The following LDB3 variants were observed in gnomAD, a reference collection of about 807,000 sequenced individuals.
LDB3 encodes the protein LIM domain-binding protein 3.
LDB3 carries 49 observed loss-of-function variants against 69.0 expected under a neutral mutation model. That is an observed-to-expected ratio of 0.71 (90% CI 0.56 to 0.90). LDB3 has a LOEUF of 0.90. LDB3 is among the 40% of genes least tolerant of loss of function. The pLI, the probability that LDB3 is intolerant of heterozygous loss-of-function variation, is 0.00. For synonymous variants in LDB3, 387 were observed against 396.2 expected (o/e 0.98, Z 0.28); for missense variants, 928 against 974.1 (o/e 0.95, Z 0.63).
At chr10:86,718,411 A>G (rs142507012) in intron 11 of LDB3, among the ~76,000 whole-genome samples, 220 of 152,224 alleles carry the variant, frequency 1.4e-3, no homozygotes, top group African/African-American at 4.8e-3. Flanking sequence ...TGACCTTACC[A>G]CTCACCAGAA....
intron 5 of LDB3, among the ~76,000 whole-genome samples, chr10:86,691,132 C>T (rs1304602676): frequency 6.6e-6 from 1 of 152,222 alleles, no homozygotes; most frequent in Non-Finnish European, 1.5e-5. Flanking sequence ...TCTAGGGTCC[C>T]TTCTGGCTCT....
chr10:86,721,260 G>T (rs1847076716), intron 12 of LDB3, among the ~76,000 whole-genome samples: 1 of 152,204 alleles, frequency 6.6e-6, no homozygotes, highest in Admixed American at 6.5e-5. Flanking sequence ...TTAAAAAATA[G>T]TAGCTATCCT....
rs573947246 is a variant in LDB3, at chr10:86,699,574, A to G, written c.897-6957A>G. 2.6e-5 allele frequency: 38 copies of G among 1,434,194 alleles called. No homozygotes were observed. Among genetic ancestry groups the G allele is most frequent in the Non-Finnish European group, 3.5e-5 (38 of 1,095,960 alleles). The allele number at this position is 1,434,194 out of a possible 1,614,324, so 88.8% of individuals were successfully genotyped here. A position where few individuals can be genotyped will look rare whatever the true frequency, so the allele number is the denominator to read the frequency against. On this transcript the variant is annotated intron_variant, in intron 7 of 13. Coordinates refer to ENST00000361373, the MANE Select transcript of LDB3 (RefSeq NM_007078.3). The surrounding 1 kb of genome is among the most constrained non-coding windows in gnomAD (Gnocchi z 4.9). Reference sequence around the variant, plus strand: ...GGGGCCCAGCCCCCTGCAGCTCTGTACCCACCAAACCTCCCCAGGGCAACC... The same window carrying G: ...GGGGCCCAGCCCCCTGCAGCTCTGTGCCCACCAAACCTCCCCAGGGCAACC...
At chr10:86,705,808 G>A (rs1023455184) in intron 7 of LDB3, among the ~76,000 whole-genome samples, 8 of 152,240 alleles carry the variant, frequency 5.3e-5, no homozygotes, top group Non-Finnish European at 8.8e-5. Flanking sequence ...CCACACAGAG[G>A]CATGGGGATC....
intron 8 of LDB3, among the ~76,000 whole-genome samples, chr10:86,709,308 C>G (rs1202729210): frequency 1.3e-5 from 2 of 152,120 alleles, no homozygotes; most frequent in East Asian, 3.9e-4. Context: ...AAAGGTGACC[C>G]TAGGCCCCTT....
intron 7 of LDB3, among the ~76,000 whole-genome samples, chr10:86,702,395 T>C (rs576071797): frequency 7.2e-5 from 11 of 152,082 alleles, no homozygotes; most frequent in African/African-American, 2.7e-4. Flanking sequence ...AACCCCACCA[T>C]TCCCACCACC....
At position 86,699,229 on chromosome 10, in the gene LDB3, C is replaced by G. The variant is rs1447064285; in HGVS notation, c.896+6658C>G. 5 of 1,564,752 alleles carry G rather than the reference C, an allele frequency of 3.2e-6. No individual in the cohort carries two copies. Among genetic ancestry groups the G allele is most frequent in the Non-Finnish European group, 3.4e-6 (4 of 1,160,920 alleles). ...CCCTCTCTTCTCTCTCTTTCTGTCTCTGTCTCTGTTTCTCTCTCTCTCTCT... is the reference window on the plus strand; with the variant it reads ...CCCTCTCTTCTCTCTCTTTCTGTCTGTGTCTCTGTTTCTCTCTCTCTCTCT... On this transcript the variant is annotated intron_variant, in intron 7 of 13. Transcript: ENST00000361373. This position sits in a 1 kb window ranked among gnomAD's most constrained non-coding sequence, Gnocchi z 4.9.
At chr10:86,729,833 A>G (rs1050847041) in intron 13 of LDB3, among the ~76,000 whole-genome samples, 1 of 152,128 alleles carries the variant, frequency 6.6e-6, no homozygotes, top group Non-Finnish European at 1.5e-5. Flanking sequence ...CTCATCCCAA[A>G]GTTCTCACAA....
intron 5 of LDB3, among the ~76,000 whole-genome samples, chr10:86,683,238 C>T (rs1467181590): frequency 6.6e-6 from 1 of 152,204 alleles, no homozygotes; most frequent in African/African-American, 2.4e-5. Context: ...CCCATACTGA[C>T]CATGCACTCT....
chr10:86,703,474 C>T (rs1846336501), intron 7 of LDB3, among the ~76,000 whole-genome samples: 1 of 152,252 alleles, frequency 6.6e-6, no homozygotes, highest in South Asian at 2.1e-4. Flanking sequence ...CCTCCCTGAG[C>T]ATTAAGTCAG....
In LDB3 at chr10:86,691,993, T is replaced by C. The variant is rs1313425435; in HGVS notation, c.787T>C (p.Trp263Arg). ...CAAGCCAGAAGATGAGGCTGACGAG[T>C]GGGCACGCCGTTCCTCCAACCTGCA... ...QNKPEDEADE[W>R]ARRSSNLQSR... The change falls in exon 6 of 14, where the codon TGG becomes CGG. Residue 263 changes from tryptophan (W) to arginine (R), a missense_variant. Physicochemically the swap from Trp to Arg is moderately radical, Grantham distance 101. Transcript: ENST00000361373. 1 of 1,613,832 alleles carries C rather than the reference T, an allele frequency of 6.2e-7. No individual in the cohort carries two copies. Among genetic ancestry groups the C allele is most frequent in the East Asian group, 2.2e-5 (1 of 44,870 alleles).
At chr10:86,731,975 T>C (rs551375506) in intron 13 of LDB3, among the ~76,000 whole-genome samples, 1 of 151,730 alleles carries the variant, frequency 6.6e-6, no homozygotes, top group East Asian at 1.9e-4. Context: ...TCTTGTAATT[T>C]TTTTAACTAA....
chr10:86,680,162 G>T lies in LDB3; in HGVS notation c.321+5G>T, dbSNP rs1251665578. 2.5e-6 allele frequency: 4 copies of T among 1,613,620 alleles called. No homozygotes were observed. In the South Asian group the frequency reaches 4.4e-5, roughly 18 times the overall value. On this transcript the variant is annotated splice_donor_5th_base_variant and intron_variant, in intron 4 of 13. Coordinates refer to ENST00000361373, the MANE Select transcript of LDB3 (RefSeq NM_007078.3). ...CCGGTGATCCCTCACCAGAAGGTAGGTGCTGACTGTGGCGGCGGGGTCCAC... is the reference window on the plus strand; with the variant it reads ...CCGGTGATCCCTCACCAGAAGGTAGTTGCTGACTGTGGCGGCGGGGTCCAC...
chr10:86,676,480 G>A (rs1844795636), intron 2 of LDB3, among the ~76,000 whole-genome samples: 2 of 149,584 alleles, frequency 1.3e-5, no homozygotes, highest in African/African-American at 2.5e-5. Flanking sequence ...CAGAAGAATC[G>A]CTTGAACCCA....
At chr10:86,715,189 G>A (rs373167558) in intron 9 of LDB3, among the ~76,000 whole-genome samples, 1 of 152,304 alleles carries the variant, frequency 6.6e-6, no homozygotes, top group East Asian at 1.9e-4. Context: ...GCGGGGTGTG[G>A]GTGCAGGGAC....
intron 7 of LDB3, among the ~76,000 whole-genome samples, chr10:86,705,262 T>G (rs1166592729): frequency 1.3e-5 from 2 of 152,178 alleles, no homozygotes; most frequent in Non-Finnish European, 2.9e-5. Flanking sequence ...TGTTACCATT[T>G]CCTCATCTAT....
At chr10:86,701,477 T>G (rs1846261514) in intron 7 of LDB3, among the ~76,000 whole-genome samples, 1 of 152,170 alleles carries the variant, frequency 6.6e-6, no homozygotes, top group Admixed American at 6.5e-5. Flanking sequence ...CTGGGTTCCA[T>G]GTAAACCCCT....
chr10:86,706,450 G>A (rs1337929975), intron 7 of LDB3, 81 bp from the exon 8 acceptor site: 2 of 1,488,718 alleles, frequency 1.3e-6, no homozygotes, highest in Non-Finnish European at 1.9e-6. Flanking sequence ...CTCTGCTGCA[G>A]CCACCTGCCC....
At chr10:86,703,244 T>C (rs1846326730) in intron 7 of LDB3, among the ~76,000 whole-genome samples, 1 of 152,218 alleles carries the variant, frequency 6.6e-6, no homozygotes, top group South Asian at 2.1e-4. Flanking sequence ...AGATCAGTGT[T>C]CTGTGTCAGC....
Sources: gnomAD v4.1 joint callset for allele counts (sites outside exome capture counted in the v4.1 genomes callset) on GRCh38, gnomAD v4.1.1 for gene constraint, Gnocchi (gnomAD v3.1) non-coding constraint, MANE v1.5 for transcripts, NCBI Gene and HGNC (gene_info 2026-07-23, HGNC 2026-07-21) for gene names.